Variants in ROCK1 observed in about 807,000 individuals in gnomAD.
The protein encoded by ROCK1 is rho-associated protein kinase 1.
ROCK1 carries 36 observed loss-of-function variants against 196.8 expected under a neutral mutation model. The ratio of observed to expected loss-of-function variants is 0.18; its 90% CI spans 0.14 to 0.24. The LOEUF (loss-of-function observed/expected upper bound fraction) is 0.24. Ranked by LOEUF, ROCK1 falls within the 10% of genes least tolerant of loss-of-function variation. The pLI, the probability that ROCK1 is intolerant of heterozygous loss-of-function variation, is 1.00. For missense variants in ROCK1, 920 were observed against 1,562.0 expected (o/e 0.59, Z 6.93); for synonymous variants, 443 against 515.9 (o/e 0.86, Z 1.91).
Position 21,028,164 on chromosome 18 carries a change from T to C in ROCK1, c.1211+612A>G, listed in dbSNP as rs1259255833. 2.7e-5 allele frequency among the ~76,000 whole-genome samples: 4 copies of C among 148,736 alleles called. No individual in the cohort carries two copies. The East Asian group carries it at 8.4e-4, about 31-fold the overall frequency. On this transcript the variant is annotated intron_variant, in intron 10 of 32. Coordinates refer to ENST00000399799, the MANE Select transcript of ROCK1 (RefSeq NM_005406.3). ...CAGGCACGGTGGGTCACGCCTGTAATCCCAGCACTTTGGGAGGCCGAGGCA... is the reference window on the plus strand; with the variant it reads ...CAGGCACGGTGGGTCACGCCTGTAACCCCAGCACTTTGGGAGGCCGAGGCA...
intron 29 of ROCK1, among the ~76,000 whole-genome samples, chr18:20,959,075 A>ATT (rs2035288554): frequency 4.4e-5 from 2 of 45,258 alleles, no homozygotes; most frequent in African/African-American, 2.6e-4. Flanking sequence ...TATATTATAT[A>ATT]ATATATATAT....
At chr18:20,999,398 A>G (rs2035701266) in intron 16 of ROCK1, among the ~76,000 whole-genome samples, 1 of 152,156 alleles carries the variant, frequency 6.6e-6, no homozygotes, top group Non-Finnish European at 1.5e-5. Context: ...TTATAATACA[A>G]ATTTTAATCC....
At chr18:20,963,339 T>C (rs953968150) in intron 27 of ROCK1, among the ~76,000 whole-genome samples, 1 of 152,066 alleles carries the variant, frequency 6.6e-6, no homozygotes, top group African/African-American at 2.4e-5. Context: ...TTTATTTAGC[T>C]ATACCACAAA....
intron 13 of ROCK1, among the ~76,000 whole-genome samples, chr18:21,012,124 T>G (rs757677522): frequency 1.3e-5 from 2 of 152,116 alleles, no homozygotes; most frequent in East Asian, 3.9e-4. Context: ...ATTTTTTTTG[T>G]ATTTTTAGTA....
chr18:21,035,909 C>T (rs2036053072), intron 9 of ROCK1, among the ~76,000 whole-genome samples: 1 of 152,060 alleles, frequency 6.6e-6, no homozygotes, highest in Non-Finnish European at 1.5e-5. Flanking sequence ...GATTACTGGA[C>T]AGGGAAATGG....
chr18:20,986,659 T>A (rs554052179), intron 19 of ROCK1, among the ~76,000 whole-genome samples: 17 of 152,322 alleles, frequency 1.1e-4, no homozygotes, highest in African/African-American at 4.1e-4. Context: ...AAGACTTTTT[T>A]TTTCTTTAAA....
chr18:21,023,350 T>C (rs2035930213), intron 11 of ROCK1, among the ~76,000 whole-genome samples: 1 of 152,284 alleles, frequency 6.6e-6, no homozygotes, highest in South Asian at 2.1e-4. Flanking sequence ...TGATATATCA[T>C]AGTTCCTGAT....
rs34885138 is a variant in ROCK1 at position 20,978,204 on chromosome 18, C to CA, written c.2654+1705dup. 9.7e-3 allele frequency among the ~76,000 whole-genome samples: 1,151 copies of CA among 118,716 alleles called. 4 individuals carry two copies. Among genetic ancestry groups the CA allele is most frequent in the Middle Eastern group, 0.035 (7 of 202 alleles). 77.9% of individuals were successfully genotyped at this position (118,716 alleles called of 152,430 possible). On this transcript the variant is annotated intron_variant, in intron 22 of 32. Coordinates refer to ENST00000399799, the MANE Select transcript of ROCK1 (RefSeq NM_005406.3). ...TGAAAATAAAAGTTATGTATTCCAACAAAAAAAAAAAAAAATGAAGAATGA... is the reference window on the plus strand; with the variant it reads ...TGAAAATAAAAGTTATGTATTCCAACAAAAAAAAAAAAAAAATGAAGAATGA...
chr18:21,104,917 G>A (rs1157883618), intron 1 of ROCK1, among the ~76,000 whole-genome samples: 1 of 152,062 alleles, frequency 6.6e-6, no homozygotes, highest in Non-Finnish European at 1.5e-5. Context: ...AGTTACAATT[G>A]GCTTAGACGT....
chr18:20,960,087 T>A (rs1308387304), intron 28 of ROCK1, 49 bp downstream of exon 28: 2 of 1,307,642 alleles, frequency 1.5e-6, no homozygotes, highest in Admixed American at 3.5e-5. Flanking sequence ...TGCTCCAAAG[T>A]AAAATATAGA....
At position 20,982,372 on chromosome 18, in the gene ROCK1, CT is replaced by C. The variant is rs531709634; in HGVS notation, c.2559+390del. Among the ~76,000 whole-genome samples, 5 of 152,278 alleles carry C rather than the reference CT, an allele frequency of 3.3e-5. No homozygotes were observed. The East Asian group carries it at 9.7e-4, about 29-fold the overall frequency. ...ACTCAAGCAATTCTCCTGCCTCAGCCTCCTGAGTAGCTGCGACTACAGGTGC... is the reference window on the plus strand; with the variant it reads ...ACTCAAGCAATTCTCCTGCCTCAGCCCCTGAGTAGCTGCGACTACAGGTGC... On this transcript the variant is annotated intron_variant, in intron 21 of 32. Transcript: ENST00000399799.
chr18:21,028,374 C>T (rs1374690084), intron 10 of ROCK1, among the ~76,000 whole-genome samples: 4 of 151,940 alleles, frequency 2.6e-5, no homozygotes, highest in African/African-American at 7.2e-5. Context: ...AAAGATTGTG[C>T]CACTGCACTC....
intron 14 of ROCK1, among the ~76,000 whole-genome samples, chr18:21,007,721 A>G (rs1229715568): frequency 6.6e-6 from 1 of 152,190 alleles, no homozygotes; most frequent in Non-Finnish European, 1.5e-5. Flanking sequence ...TGTAAAGAAT[A>G]ATGATACTCA....
At chr18:21,036,283 T>C (rs768187798) in intron 9 of ROCK1, among the ~76,000 whole-genome samples, 1 of 152,184 alleles carries the variant, frequency 6.6e-6, no homozygotes, top group Non-Finnish European at 1.5e-5. Context: ...AATATATATG[T>C]GTGTACACAA....
At chr18:21,046,574 T>A (rs572457503) in intron 4 of ROCK1, among the ~76,000 whole-genome samples, 1 of 152,160 alleles carries the variant, frequency 6.6e-6, no homozygotes, top group Non-Finnish European at 1.5e-5. Flanking sequence ...AGGCAGCAGC[T>A]AGGGTTCAAA....
intron 1 of ROCK1, among the ~76,000 whole-genome samples, chr18:21,096,293 CG>C (rs1190415319): frequency 6.6e-6 from 1 of 152,084 alleles, no homozygotes; most frequent in Non-Finnish European, 1.5e-5. Flanking sequence ...TCTGCCCCCC[CG>C]GGTTCAAGCA....
At chr18:21,066,110 T>A (rs996311341) in intron 2 of ROCK1, among the ~76,000 whole-genome samples, 1 of 152,170 alleles carries the variant, frequency 6.6e-6, no homozygotes, top group Non-Finnish European at 1.5e-5. Context: ...TGCTTGCTGA[T>A]GAAAGCTAAA....
chr18:21,104,042 C>A (rs903559726), intron 1 of ROCK1, among the ~76,000 whole-genome samples: 11 of 152,156 alleles, frequency 7.2e-5, no homozygotes, highest in African/African-American at 1.7e-4. Context: ...GATATACCCC[C>A]TTTTTAGTGG....
intron 2 of ROCK1, among the ~76,000 whole-genome samples, chr18:21,061,822 C>G (rs1377882668): frequency 1.3e-5 from 2 of 152,136 alleles, no homozygotes; most frequent in Non-Finnish European, 2.9e-5. Context: ...TTGGTAAATC[C>G]ATTTCTCACA....
Sources: gnomAD v4.1 joint callset for allele counts (sites outside exome capture counted in the v4.1 genomes callset) on GRCh38, gnomAD v4.1.1 for gene constraint, MANE v1.5 for transcripts, NCBI Gene and HGNC (gene_info 2026-07-23, HGNC 2026-07-21) for gene names.